Variants in CSMD3 observed in about 807,000 individuals in gnomAD.
CSMD3 encodes the protein CUB and sushi domain-containing protein 3.
In CSMD3, 177 loss-of-function variants were observed where a neutral mutation model predicts 435.2. The ratio of observed to expected loss-of-function variants is 0.41; its 90% CI spans 0.36 to 0.46. The LOEUF (loss-of-function observed/expected upper bound fraction) is 0.46, where lower values mean the gene tolerates loss of function less well. CSMD3 is among the 20% of genes least tolerant of loss of function. CSMD3 has a pLI of 0.34. For missense variants in CSMD3, 4,265 were observed against 4,504.6 expected (o/e 0.95, Z 1.52); for synonymous variants, 1,656 against 1,520.5 (o/e 1.09, Z -2.07).
intron 49 of CSMD3, among the ~76,000 whole-genome samples, chr8:112,311,838 G>A (rs1822003766): frequency 6.6e-6 from 1 of 152,120 alleles, no homozygotes; most frequent in African/African-American, 2.4e-5. Context: ...TTTACCTTCT[G>A]AAACTTTAAT....
In CSMD3 at chr8:113,393,619, G is replaced by A. The variant is rs1299961817; in HGVS notation, c.178+43058C>T. 2.6e-5 allele frequency among the ~76,000 whole-genome samples: 4 copies of A among 152,140 alleles called. No homozygotes were observed. In the East Asian group the frequency reaches 7.7e-4, roughly 29 times the overall value. ...CGTTAAGTTACTGGAGAAGGAAAAT[G>A]AGAAAGGTGCACACTAGTTTCACCG... is the stretch of plus-strand genomic sequence containing the variant. On this transcript the variant is annotated intron_variant, in intron 1 of 70. Coordinates refer to ENST00000297405, the MANE Select transcript of CSMD3 (RefSeq NM_198123.2).
chr8:113,368,041 A>T (rs117874236), intron 1 of CSMD3, among the ~76,000 whole-genome samples: 4,523 of 152,226 alleles, frequency 0.03, 89 homozygotes, highest in Non-Finnish European at 0.04. Flanking sequence ...TGGTACATAA[A>T]TATTTGTTGA....
chr8:112,909,205 C>A (rs1413300315), intron 10 of CSMD3, among the ~76,000 whole-genome samples: 1 of 151,422 alleles, frequency 6.6e-6, no homozygotes. Flanking sequence ...TACCCAAAAT[C>A]AAGCACATAA....
chr8:112,611,912 TA>T (rs1251837212), intron 22 of CSMD3, among the ~76,000 whole-genome samples: 3 of 152,154 alleles, frequency 2.0e-5, no homozygotes, highest in Non-Finnish European at 4.4e-5. Flanking sequence ...ATTGATAGAT[TA>T]ATACAAATCC....
intron 6 of CSMD3, among the ~76,000 whole-genome samples, chr8:112,986,521 A>T (rs2085259629): frequency 6.6e-6 from 1 of 152,154 alleles, no homozygotes; most frequent in Non-Finnish European, 1.5e-5. Context: ...ATAGTGTTCT[A>T]AGTTATTTTA....
At chr8:113,298,544 C>T (rs1372494769) in intron 2 of CSMD3, among the ~76,000 whole-genome samples, 1 of 152,036 alleles carries the variant, frequency 6.6e-6, no homozygotes, top group African/African-American at 2.4e-5. Context: ...ATGAATTAAT[C>T]AAGAGGATAG....
intron 2 of CSMD3, among the ~76,000 whole-genome samples, chr8:113,282,027 T>A (rs1370052382): frequency 6.6e-6 from 1 of 151,874 alleles, no homozygotes; most frequent in African/African-American, 2.4e-5. Context: ...GCTTGTAGGG[T>A]TTCTGCTGAG....
At chr8:112,520,455 T>A (rs1563651074) in intron 27 of CSMD3, among the ~76,000 whole-genome samples, 1 of 151,856 alleles carries the variant, frequency 6.6e-6, no homozygotes, top group Non-Finnish European at 1.5e-5. Flanking sequence ...CACAAACCTA[T>A]CCCATTACCA....
intron 1 of CSMD3, among the ~76,000 whole-genome samples, chr8:113,387,685 C>T (rs1488448500): frequency 6.7e-6 from 1 of 150,180 alleles, no homozygotes; most frequent in Non-Finnish European, 1.5e-5. Flanking sequence ...AAGAACATGA[C>T]AATGATTGGC....
At chr8:113,066,138 AAAAAAGAAAG>A (rs2088848689) in intron 5 of CSMD3, among the ~76,000 whole-genome samples, 2 of 151,022 alleles carry the variant, frequency 1.3e-5, no homozygotes, top group Admixed American at 6.6e-5. Context: ...AGAAAAAAAA[AAAAAAGAAAG>A]AAAAAGAAAG....
intron 32 of CSMD3, among the ~76,000 whole-genome samples, chr8:112,421,693 A>G (rs1190585034): frequency 1.4e-5 from 2 of 147,596 alleles, no homozygotes; most frequent in Admixed American, 1.4e-4. Flanking sequence ...ATGTATACCT[A>G]TATATATATA....
intron 59 of CSMD3, among the ~76,000 whole-genome samples, chr8:112,280,300 T>A (rs1818500439): frequency 6.6e-6 from 1 of 152,086 alleles, no homozygotes; most frequent in Non-Finnish European, 1.5e-5. Context: ...AGACAGGGTC[T>A]CACTCTGTCA....
intron 35 of CSMD3, among the ~76,000 whole-genome samples, chr8:112,400,809 G>A (rs186148239): frequency 1.9e-3 from 283 of 152,172 alleles, no homozygotes; most frequent in African/African-American, 6.6e-3. Context: ...CTAAAATGCT[G>A]GGATTAATCA....
chr8:112,628,735 G>T (rs1834701798), intron 22 of CSMD3, among the ~76,000 whole-genome samples: 2 of 152,140 alleles, frequency 1.3e-5, no homozygotes, highest in Admixed American at 1.3e-4. Context: ...ATAGCATGAT[G>T]AAATCTAGAA....
At chr8:113,008,867 T>C (rs978500684) in intron 6 of CSMD3, among the ~76,000 whole-genome samples, 1 of 151,382 alleles carries the variant, frequency 6.6e-6, no homozygotes, top group Admixed American at 6.6e-5. Flanking sequence ...TCTTCTAGTC[T>C]ATAAATAAAC....
At chr8:112,414,545 T>A (rs905194363) in intron 32 of CSMD3, among the ~76,000 whole-genome samples, 4 of 152,210 alleles carry the variant, frequency 2.6e-5, no homozygotes, top group African/African-American at 9.6e-5. Context: ...TATTTCTTCA[T>A]AGCAGTGTGA....
At chr8:113,201,036 AT>A (rs549492197) in intron 3 of CSMD3, among the ~76,000 whole-genome samples, 4 of 152,024 alleles carry the variant, frequency 2.6e-5, no homozygotes, top group Admixed American at 2.6e-4. Context: ...GACTATTTGC[AT>A]CTCTCTCAGA....
chr8:113,351,995 A>G lies in CSMD3; in HGVS notation c.179-37202T>C, dbSNP rs534051726. ...CCACTATGGTATTACTTTACCTTGA[A>G]CTTCCATGAATGTCTGTCTCATCTA... On this transcript the variant is annotated intron_variant, in intron 1 of 70. Coordinates refer to ENST00000297405, the MANE Select transcript of CSMD3 (RefSeq NM_198123.2). 7.2e-5 allele frequency among the ~76,000 whole-genome samples: 11 copies of G among 152,198 alleles called. No individual in the cohort carries two copies. The South Asian group carries it at 2.3e-3, about 32-fold the overall frequency.
chr8:112,987,565 C>A (rs1264627151), intron 6 of CSMD3, among the ~76,000 whole-genome samples: 1 of 152,090 alleles, frequency 6.6e-6, no homozygotes, highest in Non-Finnish European at 1.5e-5. Context: ...TCAAAACATA[C>A]ACTGAGTCAC....
Sources: gnomAD v4.1 joint callset for allele counts (sites outside exome capture counted in the v4.1 genomes callset) on GRCh38, gnomAD v4.1.1 for gene constraint, MANE v1.5 for transcripts, NCBI Gene and HGNC (gene_info 2026-07-23, HGNC 2026-07-21) for gene names.